EHMT1: variants seen among roughly 807,000 people sequenced by gnomAD.
EHMT1 encodes the protein histone-lysine N-methyltransferase EHMT1.
In EHMT1, 15 loss-of-function variants were observed where a neutral mutation model predicts 147.2. The observed-to-expected ratio is 0.10, with a 90% confidence interval of 0.07 to 0.16. The LOEUF (loss-of-function observed/expected upper bound fraction) is 0.16, where lower values mean the gene tolerates loss of function less well. Among genes scored for constraint, EHMT1 ranks in the 10% least tolerant of loss-of-function variants. EHMT1 has a pLI of 1.00. For missense variants in EHMT1, 1,587 were observed against 1,772.4 expected (o/e 0.90, Z 1.88); for synonymous variants, 795 against 709.6 (o/e 1.12, Z -1.91).
At chr9:137,810,308 C>G (rs143476769) in intron 18 of EHMT1, among the ~76,000 whole-genome samples, 1 of 150,836 alleles carries the variant, frequency 6.6e-6, no homozygotes, top group South Asian at 2.1e-4. Flanking sequence ...GCTCCTCGCA[C>G]GGCGCCAACT....
At chr9:137,823,731 T>C (rs1016623183) in intron 25 of EHMT1, among the ~76,000 whole-genome samples, 1 of 152,142 alleles carries the variant, frequency 6.6e-6, no homozygotes, top group African/African-American at 2.4e-5. Context: ...CTAATTTTTA[T>C]ATTTTTAGTA....
At position 137,716,756 on chromosome 9, in the gene EHMT1, C is replaced by T. The variant is rs374930132; in HGVS notation, c.216C>T (p.His72=). The T allele has an allele frequency of 3.7e-6, 6 of 1,612,848 alleles. No individual in the cohort carries two copies. The highest frequency in any genetic ancestry group is 4.5e-5 in the East Asian group (2 of 44,900). ...DASSHANAAK[H]TQDSARVNPQ... ...GCAGTCATGCAAATGCTGCAAAGCA[C>T]ACTCAGGACAGCGCAAGGGTCAACC... The change falls in exon 3 of 27, where the codon CAC becomes CAT. Residue 72 remains histidine (H), a synonymous_variant. Coordinates refer to ENST00000460843, the MANE Select transcript of EHMT1 (RefSeq NM_024757.5).
chr9:137,662,494 C>T (rs1026278665), intron 1 of EHMT1, among the ~76,000 whole-genome samples: 3 of 151,864 alleles, frequency 2.0e-5, no homozygotes, highest in Non-Finnish European at 2.9e-5. Flanking sequence ...AGGCATCGCA[C>T]CTTGCCTAGA....
In EHMT1 at chr9:137,777,909, C is replaced by T. The variant is rs755542553; in HGVS notation, c.2046C>T (p.Asp682=). 2.1e-5 allele frequency: 34 copies of T among 1,613,494 alleles called. No individual in the cohort carries two copies. The highest frequency in any genetic ancestry group is 1.5e-4 in the South Asian group (14 of 91,064). Reference sequence around the variant, plus strand: ...CTGCCGGGCCACCACTCTCGGAGGACGACAAGCTGCAGGGTGCAGCCTCCC... The same window carrying T: ...CTGCCGGGCCACCACTCTCGGAGGATGACAAGCTGCAGGGTGCAGCCTCCC... ...GSAAGPPLSE[D]DKLQGAASHV... Residue 682 remains aspartate, a synonymous_variant, in exon 13 of 27, where the codon GAC becomes GAT. Coordinates refer to ENST00000460843, the MANE Select transcript of EHMT1 (RefSeq NM_024757.5).
chr9:137,780,243 G>A (rs1256084778), intron 14 of EHMT1, among the ~76,000 whole-genome samples: 2 of 149,256 alleles, frequency 1.3e-5, no homozygotes, highest in African/African-American at 5.0e-5. Flanking sequence ...ACGCTGGGAT[G>A]TGTGGTGATG....
At position 137,754,288 on chromosome 9, in the gene EHMT1, C is replaced by T. The variant is rs774131062; in HGVS notation, c.1366C>T (p.Leu456Phe). The change falls in exon 8 of 27, where the codon CTC (leucine) becomes TTC (phenylalanine). Residue 456 changes from leucine (L) to phenylalanine (F), a missense_variant. By Grantham distance (22) the Leu-to-Phe change is conservative. Around this residue, in one of 7 missense-constraint regions of EHMT1, gnomAD observed 810 missense variants for 673.0 expected, o/e 1.20. Transcript: ENST00000460843. The stretch of plus-strand genomic sequence containing the variant: ...AAGTAGAAAGAAGCCCAGCGGTGCC[C>T]TCGGTAAATGCCGTGGGGGTGTGGG... ...RRSRKKPSGALGSESYKSSAG... is the reference protein window; with the variant it reads ...RRSRKKPSGAFGSESYKSSAG... The T allele has an allele frequency of 2.5e-6, 4 of 1,613,950 alleles. No homozygotes were observed. Among genetic ancestry groups the T allele is most frequent in the Non-Finnish European group, 3.4e-6 (4 of 1,179,912 alleles).
chr9:137,832,834 C>G (rs1195991668), intron 25 of EHMT1: 1 of 152,348 alleles, frequency 6.6e-6, no homozygotes, highest in Non-Finnish European at 1.5e-5. Flanking sequence ...TTATCAAGAC[C>G]TTCGTGTGTG....
At chr9:137,761,876 T>C (rs1053874340) in intron 9 of EHMT1, among the ~76,000 whole-genome samples, 1 of 152,264 alleles carries the variant, frequency 6.6e-6, no homozygotes, top group African/African-American at 2.4e-5. Flanking sequence ...TCTGGCTTCC[T>C]TTGGGAGCGG....
At chr9:137,709,549 C>T (rs542888374) in intron 1 of EHMT1, among the ~76,000 whole-genome samples, 7 of 152,294 alleles carry the variant, frequency 4.6e-5, no homozygotes, top group African/African-American at 1.7e-4. Flanking sequence ...TAGGCACATC[C>T]GGGCTCAGGT....
rs1947118185 is a variant in EHMT1, at chr9:137,731,612, C to T, written c.823+3083C>T. 6.6e-6 allele frequency among the ~76,000 whole-genome samples: 1 copy of T among 152,154 alleles called. No homozygotes were observed. The highest frequency in any genetic ancestry group is 1.5e-5 in the Non-Finnish European group (1 of 68,034). ...CGTCCTATCCTGTTGTCACAGGATC[C>T]CTTGAGTGTCCCTTTGCTGGTCATA... On this transcript the variant is annotated intron_variant, in intron 4 of 26. Coordinates refer to ENST00000460843, the MANE Select transcript of EHMT1 (RefSeq NM_024757.5). This position sits in a 1 kb window ranked among gnomAD's most constrained non-coding sequence, Gnocchi z 4.3.
intron 18 of EHMT1, chr9:137,802,757 C>T: frequency 8.3e-7 from 1 of 1,198,454 alleles, no homozygotes; most frequent in Non-Finnish European, 1.0e-6. Flanking sequence ...GTGACTGGTC[C>T]TGAGCTGCAG....
intron 1 of EHMT1, among the ~76,000 whole-genome samples, chr9:137,695,949 G>A (rs746194305): frequency 2.6e-5 from 4 of 152,248 alleles, no homozygotes; most frequent in Non-Finnish European, 5.9e-5. Context: ...GACAAAGGCA[G>A]TAGTAGGGAC....
Position 137,776,507 on chromosome 9 carries a change from C to A in EHMT1, c.1792-111C>A. 9.3e-7 allele frequency: 1 copy of A among 1,074,710 alleles called. No homozygotes were observed. Among genetic ancestry groups the A allele is most frequent in the Non-Finnish European group, 1.4e-6 (1 of 722,012 alleles). The allele number at this position is 1,074,710 out of a possible 1,614,324, so 66.6% of individuals were successfully genotyped here. A position where few individuals can be genotyped will look rare whatever the true frequency, so the allele number is the denominator to read the frequency against. ...CTGGACCCCACCCCGACCCATGGCT[C>A]ACTCTGCAGACCGCCCGATGTGGGA... is the stretch of plus-strand genomic sequence containing the variant. On this transcript the variant is annotated intron_variant, in intron 11 of 26. Transcript: ENST00000460843. The surrounding 1 kb of genome is among the most constrained non-coding windows in gnomAD (Gnocchi z 4.4).
chr9:137,756,819 C>T (rs1005599524), intron 8 of EHMT1, among the ~76,000 whole-genome samples: 8 of 152,070 alleles, frequency 5.3e-5, no homozygotes, highest in Admixed American at 2.0e-4. Context: ...ATCTTCTTTT[C>T]GTTTAAAACT....
chr9:137,674,023 T>C (rs529710672), intron 1 of EHMT1, among the ~76,000 whole-genome samples: 1 of 152,324 alleles, frequency 6.6e-6, no homozygotes, highest in East Asian at 1.9e-4. Context: ...GACAAGGTGC[T>C]GACCAGCTAA....
chr9:137,654,707 C>T (rs1938246622), intron 1 of EHMT1, among the ~76,000 whole-genome samples: 1 of 152,184 alleles, frequency 6.6e-6, no homozygotes, highest in Non-Finnish European at 1.5e-5. Flanking sequence ...GGAGGCAGTA[C>T]ATGCCTGAAG....
intron 1 of EHMT1, among the ~76,000 whole-genome samples, chr9:137,631,371 A>G (rs1008329130): frequency 2.0e-5 from 3 of 152,066 alleles, no homozygotes; most frequent in Non-Finnish European, 4.4e-5. Context: ...CAGCCTGGGT[A>G]ACAAGAGTGA....
intron 1 of EHMT1, among the ~76,000 whole-genome samples, chr9:137,633,186 G>T (rs946862217): frequency 2.0e-5 from 3 of 152,120 alleles, no homozygotes; most frequent in African/African-American, 7.2e-5. Flanking sequence ...GTCAGCTCTG[G>T]GGTGGTTTAT....
chr9:137,812,985 G>A (rs185981860), intron 19 of EHMT1, 21 bp from the exon 20 acceptor site: 1 of 1,613,680 alleles, frequency 6.2e-7, no homozygotes, highest in East Asian at 2.2e-5. Context: ...ATGTTTTGTG[G>A]CCTTACATTT....
Sources: gnomAD v4.1 joint callset for allele counts (sites outside exome capture counted in the v4.1 genomes callset) on GRCh38, gnomAD v4.1.1 for gene constraint, gnomAD v4.1.1 regional missense constraint, Gnocchi (gnomAD v3.1) non-coding constraint, MANE v1.5 for transcripts, NCBI Gene and HGNC (gene_info 2026-07-23, HGNC 2026-07-21) for gene names.